Variants in SCP2 observed in about 807,000 individuals in gnomAD.
SCP2 encodes SCP-2/3-oxoacyl-CoA thiolase.
A neutral mutation model predicts 71.4 loss-of-function variants in SCP2; 48 were observed. The observed-to-expected ratio is 0.67, with a 90% CI of 0.53 to 0.86. The LOEUF (loss-of-function observed/expected upper bound fraction) is 0.86. Among genes scored for constraint, SCP2 ranks in the 40% least tolerant of loss-of-function variants. The pLI, the probability that SCP2 is intolerant of heterozygous loss-of-function variation, is 0.00. For missense variants in SCP2, 560 were observed against 655.6 expected, an observed-to-expected ratio of 0.85 and a Z score of 1.59; for synonymous variants, 220 against 218.1, an observed-to-expected ratio of 1.01 and a Z score of -0.08.
At chr1:52,954,334 C>T (rs913806789) in intron 4 of SCP2, among the ~76,000 whole-genome samples, 7 of 143,786 alleles carry the variant, frequency 4.9e-5, no homozygotes, top group African/African-American at 1.7e-4. Flanking sequence ...AGCAAACAAA[C>T]AACAACAACA....
At chr1:52,988,617 G>C (rs1659198022) in intron 11 of SCP2, among the ~76,000 whole-genome samples, 1 of 151,012 alleles carries the variant, frequency 6.6e-6, no homozygotes, top group South Asian at 2.1e-4. Context: ...GTACAATGTG[G>C]TTTCTGTTTT....
At chr1:52,980,075 A>G (rs1658347570) in intron 9 of SCP2, among the ~76,000 whole-genome samples, 1 of 151,642 alleles carries the variant, frequency 6.6e-6, no homozygotes. Flanking sequence ...CTGTGCTCAA[A>G]CGATCCTCCC....
intron 12 of SCP2, among the ~76,000 whole-genome samples, chr1:53,027,324 G>A (rs1303445838): frequency 1.3e-5 from 2 of 151,934 alleles, no homozygotes; most frequent in East Asian, 3.9e-4. Flanking sequence ...CAAAGTGTAG[G>A]ATTACAGGTG....
chr1:52,970,415 G>A (rs1657361628), intron 6 of SCP2, among the ~76,000 whole-genome samples: 1 of 152,118 alleles, frequency 6.6e-6, no homozygotes, highest in Non-Finnish European at 1.5e-5. Context: ...CTCTTTTGCT[G>A]CTTTTCTCCT....
At chr1:53,024,717 G>A (rs1218936001) in intron 12 of SCP2, among the ~76,000 whole-genome samples, 21 of 151,490 alleles carry the variant, frequency 1.4e-4, no homozygotes, top group Non-Finnish European at 2.8e-4. Flanking sequence ...GTTTACAGGC[G>A]CACACCACAA....
intron 11 of SCP2, chr1:52,995,689 G>T: frequency 1.4e-6 from 1 of 736,778 alleles, no homozygotes. Context: ...TGCTCAACGT[G>T]CAGAACCAGA....
chr1:52,934,984 C>CCA (rs1653572794), intron 1 of SCP2: 2 of 147,934 alleles, frequency 1.4e-5, no homozygotes. Context: ...GAAACGTCGG[C>CCA]CCGGGAGCGG....
intron 12 of SCP2, among the ~76,000 whole-genome samples, chr1:53,022,329 G>A (rs1033964232): frequency 2.6e-5 from 4 of 152,152 alleles, no homozygotes; most frequent in African/African-American, 9.7e-5. Flanking sequence ...ATGGCTGAAG[G>A]TTCCCATTTC....
In SCP2 at chr1:52,978,460, A is replaced by C. The variant is rs147452510; in HGVS notation, c.825+93A>C. On this transcript the variant is annotated intron_variant, in intron 9 of 15. Transcript: ENST00000371514. Reference sequence around the variant, plus strand: ...CATGCATTATTATATAATAACTTTTAATTAACTAGACATGCTATTTGTCAT... The same window carrying C: ...CATGCATTATTATATAATAACTTTTCATTAACTAGACATGCTATTTGTCAT... The C allele has an allele frequency of 8.1e-6, 8 of 983,194 alleles. No homozygotes were observed. The East Asian group carries it at 2.1e-4, about 25-fold the overall frequency. 60.9% of individuals were successfully genotyped at this position (983,194 alleles called of 1,614,324 possible).
chr1:52,956,662 G>T (rs1415675085), intron 5 of SCP2, among the ~76,000 whole-genome samples: 1 of 152,104 alleles, frequency 6.6e-6, no homozygotes, highest in African/African-American at 2.4e-5. Flanking sequence ...TATACCTAGG[G>T]AACAGTTTTA....
rs74081284 is a variant in SCP2, at chr1:52,932,047, A to G, written c.69+4582A>G. Among the ~76,000 whole-genome samples, 728 of 152,320 alleles carry G rather than the reference A, an allele frequency of 4.8e-3. 12 individuals are homozygous for G. Among genetic ancestry groups the G allele is most frequent in the African/African-American group, 0.017 (694 of 41,584 alleles). ...TAAAGGAAATCTGGACAATGGAGCA[A>G]GAACAAAGAAATGGGTATTAGGAGA... On this transcript the variant is annotated intron_variant, in intron 1 of 15. Transcript: ENST00000371514.
chr1:53,015,048 G>C lies in SCP2; in HGVS notation c.1235+5G>C, dbSNP rs1661240568. Reference sequence around the variant, plus strand: ...GGGTTTTCCGGAAGCCGCCAGGTGAGTGACATTCAGAGTTTTGTGTGTCAG... The same window carrying C: ...GGGTTTTCCGGAAGCCGCCAGGTGACTGACATTCAGAGTTTTGTGTGTCAG... On this transcript the variant is annotated splice_donor_5th_base_variant and intron_variant, in intron 12 of 15. Coordinates refer to ENST00000371514, the MANE Select transcript of SCP2 (RefSeq NM_002979.5). 1 of 1,613,730 alleles carries C rather than the reference G, an allele frequency of 6.2e-7. No homozygotes were observed. Among genetic ancestry groups the C allele is most frequent in the African/African-American group, 1.3e-5 (1 of 74,922 alleles).
intron 12 of SCP2, among the ~76,000 whole-genome samples, chr1:53,018,528 G>A (rs1403056222): frequency 3.3e-5 from 5 of 151,964 alleles, no homozygotes; most frequent in Non-Finnish European, 5.9e-5. Flanking sequence ...GATGGCTTGC[G>A]GTCAGGAGTT....
At chr1:52,975,638 C>T (rs1023232877) in intron 7 of SCP2, among the ~76,000 whole-genome samples, 1 of 152,130 alleles carries the variant, frequency 6.6e-6, no homozygotes, top group African/African-American at 2.4e-5. Context: ...CTCCATTAGC[C>T]TTAATTAATG....
chr1:53,028,842 C>A (rs61398052), intron 13 of SCP2, among the ~76,000 whole-genome samples: 20,851 of 152,066 alleles, frequency 0.14, 2,039 homozygotes, highest in East Asian at 0.32. Flanking sequence ...GTGGTATGAT[C>A]TTGGGTCACT....
chr1:53,050,229 CTG>C (rs1190031673), intron 15 of SCP2: 1 of 238,488 alleles, frequency 4.2e-6, no homozygotes, highest in Non-Finnish European at 8.3e-6. Context: ...CCAAGAGTTT[CTG>C]TGTTTTTTGT....
chr1:53,019,114 C>T (rs1300980959), intron 12 of SCP2, among the ~76,000 whole-genome samples: 1 of 152,130 alleles, frequency 6.6e-6, no homozygotes, highest in Non-Finnish European at 1.5e-5. Flanking sequence ...TGCATCATAT[C>T]TGGAGGTGCA....
chr1:53,033,289 G>GCTCT (rs1662680319), intron 13 of SCP2, among the ~76,000 whole-genome samples: 1 of 152,112 alleles, frequency 6.6e-6, no homozygotes, highest in Admixed American at 6.6e-5. Context: ...GGCTCTCAGG[G>GCTCT]AATGTACCTA....
At chr1:52,950,353 C>T (rs111350196) in intron 3 of SCP2, among the ~76,000 whole-genome samples, 3,751 of 152,260 alleles carry the variant, frequency 0.025, 163 homozygotes, top group African/African-American at 0.085. Flanking sequence ...ACCTCCTGAC[C>T]GCGTGATCTG....
Sources: gnomAD v4.1 joint callset for allele counts (sites outside exome capture counted in the v4.1 genomes callset) on GRCh38, gnomAD v4.1.1 for gene constraint, MANE v1.5 for transcripts, NCBI Gene and HGNC (gene_info 2026-07-23, HGNC 2026-07-21) for gene names.